NUDT3: variants seen among roughly 807,000 people sequenced by gnomAD.
NUDT3 encodes nudix hydrolase 3, also known as diphosphoinositol polyphosphate phosphohydrolase 1.
Under a neutral mutation model 23.6 loss-of-function variants are expected in NUDT3, and 9 were observed. That is an observed-to-expected ratio of 0.38 (90% CI 0.23 to 0.66). The LOEUF (loss-of-function observed/expected upper bound fraction) is 0.66. Among genes scored for constraint, NUDT3 ranks in the 30% least tolerant of loss-of-function variants. The pLI is 0.52. For synonymous variants in NUDT3, 86 were observed against 82.6 expected (o/e 1.04, Z -0.22); for missense variants, 172 against 218.5 (o/e 0.79, Z 1.34).
At chr6:34,306,750 G>A (rs1432870362) in intron 2 of NUDT3, among the ~76,000 whole-genome samples, 3 of 152,116 alleles carry the variant, frequency 2.0e-5, no homozygotes, top group Non-Finnish European at 4.4e-5. Context: ...TTGTCAATGG[G>A]TACCATTCAA....
chr6:34,319,748 T>C (rs1327557164), intron 2 of NUDT3, among the ~76,000 whole-genome samples: 1 of 152,220 alleles, frequency 6.6e-6, no homozygotes, highest in African/African-American at 2.4e-5. Flanking sequence ...CTGTGCAGGA[T>C]TTCTTCCTCT....
intron 1 of NUDT3, among the ~76,000 whole-genome samples, chr6:34,366,907 T>C (rs1764744509): frequency 6.6e-6 from 1 of 152,024 alleles, no homozygotes; most frequent in African/African-American, 2.4e-5. Context: ...AAAAAAAATT[T>C]TTTTTGAGAC....
At chr6:34,336,249 C>A (rs1764207515) in intron 2 of NUDT3, among the ~76,000 whole-genome samples, 1 of 151,752 alleles carries the variant, frequency 6.6e-6, no homozygotes, top group African/African-American at 2.4e-5. Context: ...GAGACTCCAT[C>A]TCAAAACAAA....
chr6:34,293,956 T>TC lies in NUDT3; in HGVS notation c.256-422dup, dbSNP rs796712149. Among the ~76,000 whole-genome samples the TC allele has an allele frequency of 1.4e-3, 220 of 151,808 alleles. 3 individuals are homozygous for TC. Among genetic ancestry groups the TC allele is most frequent in the African/African-American group, 5.2e-3 (215 of 41,408 alleles). Reference sequence around the variant, plus strand: ...ACACACACACACCCACCCACACCCCTCTTCCCACCCACACCCCTTTTCCCA... The same window carrying TC: ...ACACACACACACCCACCCACACCCCTCCTTCCCACCCACACCCCTTTTCCCA... On this transcript the variant is annotated intron_variant, in intron 3 of 4. Coordinates refer to ENST00000607016, the MANE Select transcript of NUDT3 (RefSeq NM_006703.4).
At chr6:34,347,964 C>A (rs866701538) in intron 1 of NUDT3, among the ~76,000 whole-genome samples, 2 of 151,032 alleles carry the variant, frequency 1.3e-5, no homozygotes, top group South Asian at 4.2e-4. Context: ...CTGAAACCCC[C>A]ATGTCTACCA....
intron 3 of NUDT3, among the ~76,000 whole-genome samples, chr6:34,295,360 A>C (rs1467099615): frequency 6.6e-6 from 1 of 152,014 alleles, no homozygotes; most frequent in Non-Finnish European, 1.5e-5. Flanking sequence ...CTGTCTCTAC[A>C]AAAAATTTAA....
intron 1 of NUDT3, among the ~76,000 whole-genome samples, chr6:34,385,048 C>G (rs1222729105): frequency 6.8e-6 from 1 of 147,328 alleles, no homozygotes; most frequent in African/African-American, 2.5e-5. Flanking sequence ...AAAAAAAACT[C>G]AAAACAAGAT....
intron 1 of NUDT3, among the ~76,000 whole-genome samples, chr6:34,382,548 G>A (rs893049731): frequency 1.3e-5 from 2 of 152,146 alleles, no homozygotes; most frequent in Non-Finnish European, 2.9e-5. Flanking sequence ...GCTCACACCT[G>A]TAATCCCAGC....
At chr6:34,357,836 C>T (rs1345574939) in intron 1 of NUDT3, among the ~76,000 whole-genome samples, 5 of 152,118 alleles carry the variant, frequency 3.3e-5, no homozygotes, top group Non-Finnish European at 7.3e-5. Context: ...ATCTTTTCTT[C>T]TATAACTTGA....
chr6:34,375,681 CAG>C (rs1252668969), intron 1 of NUDT3, among the ~76,000 whole-genome samples: 7 of 152,204 alleles, frequency 4.6e-5, no homozygotes, highest in Non-Finnish European at 1.0e-4. Flanking sequence ...CAATATAACT[CAG>C]ACTCTTGGGT....
intron 1 of NUDT3, 49 bp downstream of exon 1, chr6:34,392,215 A>G (rs764944346): frequency 2.0e-6 from 3 of 1,465,688 alleles, no homozygotes. Context: ...CCTCCACCCG[A>G]AGGGGCCGGA....
rs554502490 is a variant in NUDT3 at position 34,344,745 on chromosome 6, G to C, written c.100-2773C>G. Among the ~76,000 whole-genome samples, 26 of 151,898 alleles carry C rather than the reference G, an allele frequency of 1.7e-4. No homozygotes were observed. The South Asian group carries it at 5.2e-3, about 30-fold the overall frequency. ...TGGCTCACTGCAAGCTCTGCTTCCTGGGTTCACGCCATTCTCCTGCCTCAG... is the reference window on the plus strand; with the variant it reads ...TGGCTCACTGCAAGCTCTGCTTCCTCGGTTCACGCCATTCTCCTGCCTCAG... On this transcript the variant is annotated intron_variant, in intron 1 of 4. Coordinates refer to ENST00000607016, the MANE Select transcript of NUDT3 (RefSeq NM_006703.4).
chr6:34,306,107 A>C (rs1249328935), intron 2 of NUDT3, among the ~76,000 whole-genome samples: 1 of 152,166 alleles, frequency 6.6e-6, no homozygotes, highest in Non-Finnish European at 1.5e-5. Flanking sequence ...ATGAGATTTT[A>C]TTGTTCTTCA....
rs182487141 is a variant in NUDT3 at position 34,344,280 on chromosome 6, T to C, written c.100-2308A>G. Among the ~76,000 whole-genome samples, 194 of 151,866 alleles carry C rather than the reference T, an allele frequency of 1.3e-3. 1 individual carries two copies. The highest frequency in any genetic ancestry group is 2.3e-3 in the Non-Finnish European group (155 of 67,926). On this transcript the variant is annotated intron_variant, in intron 1 of 4. Transcript: ENST00000607016. Reference sequence around the variant, plus strand: ...AGCATTATTTACAATAGCCAAAAGGTAAAAACAACTCAAATATCCAATAAG... The same window carrying C: ...AGCATTATTTACAATAGCCAAAAGGCAAAAACAACTCAAATATCCAATAAG...
Position 34,326,201 on chromosome 6 carries a change from T to C in NUDT3, c.210+15661A>G, listed in dbSNP as rs191862622. 8.7e-4 allele frequency among the ~76,000 whole-genome samples: 132 copies of C among 152,174 alleles called. No individual in the cohort carries two copies. In the East Asian group the frequency reaches 0.011, roughly 12 times the overall value. ...CAACTCATGGTCTCTCCTGACTTTT[T>C]ACATCTAGATACACTTTCTAATTTT... On this transcript the variant is annotated intron_variant, in intron 2 of 4. Coordinates refer to ENST00000607016, the MANE Select transcript of NUDT3 (RefSeq NM_006703.4).
rs1235394393 is a variant in NUDT3 at position 34,288,640 on chromosome 6, A to G, written c.*113T>C. 3 of 1,387,534 alleles carry G rather than the reference A, an allele frequency of 2.2e-6. No homozygotes were observed. Among genetic ancestry groups the G allele is most frequent in the African/African-American group, 1.5e-5 (1 of 68,226 alleles). The allele number at this position is 1,387,534 out of a possible 1,614,324, so 86.0% of individuals were successfully genotyped here. Reference sequence around the variant, plus strand: ...ATACACCCTTTCTTTGCTGCCCACCATGCCTTATTTGAAAGAGGAGGCCTG... The same window carrying G: ...ATACACCCTTTCTTTGCTGCCCACCGTGCCTTATTTGAAAGAGGAGGCCTG... On this transcript the variant is annotated 3_prime_UTR_variant, in exon 5 of 5. Transcript: ENST00000607016.
At chr6:34,353,267 T>C (rs529169852) in intron 1 of NUDT3, among the ~76,000 whole-genome samples, 2 of 152,324 alleles carry the variant, frequency 1.3e-5, no homozygotes, top group South Asian at 4.1e-4. Context: ...CCTTCCTTTT[T>C]TTAAATAACC....
At chr6:34,387,007 T>A (rs1765117481) in intron 1 of NUDT3, among the ~76,000 whole-genome samples, 1 of 152,046 alleles carries the variant, frequency 6.6e-6, no homozygotes, top group Admixed American at 6.6e-5. Flanking sequence ...CCCAGATACT[T>A]GTTGAGGTGG....
In NUDT3 at chr6:34,289,029, T is replaced by C. The variant is rs191103950; in HGVS notation, c.341-98A>G. The C allele has an allele frequency of 2.0e-5, 28 of 1,373,202 alleles. No homozygotes were observed. The African/African-American group carries it at 3.9e-4, about 19-fold the overall frequency. The allele number at this position is 1,373,202 out of a possible 1,614,324, so 85.1% of individuals were successfully genotyped here. The stretch of plus-strand genomic sequence containing the variant: ...ATAGAAAACATTAAAGCAATGTTTC[T>C]TAACACTTTTTTTCCTTACAAAAAT... On this transcript the variant is annotated intron_variant, in intron 4 of 4. Coordinates refer to ENST00000607016, the MANE Select transcript of NUDT3 (RefSeq NM_006703.4).
Sources: gnomAD v4.1 joint callset for allele counts (sites outside exome capture counted in the v4.1 genomes callset) on GRCh38, gnomAD v4.1.1 for gene constraint, MANE v1.5 for transcripts, NCBI Gene and HGNC (gene_info 2026-07-23, HGNC 2026-07-21) for gene names.